The following MSRA variants were observed in gnomAD, a reference collection of about 807,000 sequenced individuals.
The protein encoded by MSRA is methionine sulfoxide reductase A.
MSRA carries 54 observed loss-of-function variants against 31.3 expected under a neutral mutation model. The observed-to-expected ratio is 1.73, with a 90% CI of 1.39 to 2.17. The LOEUF is 2.17. Ranked by LOEUF, MSRA falls within the 30% of genes most tolerant of loss-of-function variation. MSRA has a pLI of 0.00. For synonymous variants in MSRA, 169 were observed against 116.5 expected (o/e 1.45, Z -2.90); for missense variants, 507 against 300.9 (o/e 1.69, Z -5.07).
At chr8:10,283,492 GAGTGCAT>G (rs1799745107) in intron 3 of MSRA, among the ~76,000 whole-genome samples, 1 of 151,912 alleles carries the variant, frequency 6.6e-6, no homozygotes, top group African/African-American at 2.4e-5. Context: ...TTGGTTACAT[GAGTGCAT>G]TCTTTAGTGG....
intron 5 of MSRA, among the ~76,000 whole-genome samples, chr8:10,421,827 C>T (rs552296413): frequency 1.1e-4 from 17 of 152,242 alleles, no homozygotes; most frequent in Non-Finnish European, 1.6e-4. Context: ...CATGCCTACC[C>T]GCCTTCCTGC....
intron 3 of MSRA, among the ~76,000 whole-genome samples, chr8:10,299,300 A>T (rs1464090757): frequency 1.3e-5 from 2 of 152,142 alleles, no homozygotes; most frequent in Non-Finnish European, 2.9e-5. Context: ...CATGTTGATA[A>T]CATATTACCA....
chr8:10,205,573 C>A (rs1188705571), intron 1 of MSRA, among the ~76,000 whole-genome samples: 2 of 152,006 alleles, frequency 1.3e-5, no homozygotes, highest in Admixed American at 1.3e-4. Flanking sequence ...CATCGACAGA[C>A]CTTGATGGAT....
At chr8:10,227,989 A>T (rs1328238596) in intron 2 of MSRA, among the ~76,000 whole-genome samples, 1 of 152,188 alleles carries the variant, frequency 6.6e-6, no homozygotes, top group Non-Finnish European at 1.5e-5. Flanking sequence ...CTAGCATCGT[A>T]GAGCTGAAAT....
intron 1 of MSRA, among the ~76,000 whole-genome samples, chr8:10,080,992 C>T (rs995915590): frequency 1.4e-4 from 21 of 152,170 alleles, no homozygotes; most frequent in African/African-American, 4.8e-4. Flanking sequence ...AAGTAGCAAA[C>T]GGGAAACAGG....
chr8:10,352,264 CATATAG>C (rs1437012283), intron 5 of MSRA, among the ~76,000 whole-genome samples: 1 of 152,180 alleles, frequency 6.6e-6, no homozygotes, highest in Non-Finnish European at 1.5e-5. Context: ...TATATAAAAA[CATATAG>C]ATATGAAGAC....
At chr8:10,082,417 C>T (rs373099920) in intron 1 of MSRA, among the ~76,000 whole-genome samples, 4 of 152,202 alleles carry the variant, frequency 2.6e-5, no homozygotes, top group East Asian at 1.9e-4. Context: ...TGCTTGAGGG[C>T]GAAGCTGTCC....
At chr8:10,238,783 A>G (rs1812161096) in intron 2 of MSRA, among the ~76,000 whole-genome samples, 3 of 152,226 alleles carry the variant, frequency 2.0e-5, no homozygotes, top group Non-Finnish European at 4.4e-5. Flanking sequence ...ACAACCTAAA[A>G]TTAAGCTTAA....
chr8:10,089,988 A>G (rs1033103089), intron 1 of MSRA, among the ~76,000 whole-genome samples: 1 of 152,154 alleles, frequency 6.6e-6, no homozygotes, highest in African/African-American at 2.4e-5. Context: ...AAATTTCAAC[A>G]TGAGACTTGG....
chr8:10,337,957 C>A (rs1803161268), intron 5 of MSRA: 1 of 620,756 alleles, frequency 1.6e-6, no homozygotes, highest in Admixed American at 2.5e-5. Context: ...GGGAGGTAAA[C>A]TGGGTGGCCC....
intron 1 of MSRA, among the ~76,000 whole-genome samples, chr8:10,117,480 G>T (rs575694505): frequency 6.6e-6 from 1 of 152,224 alleles, no homozygotes; most frequent in Non-Finnish European, 1.5e-5. Context: ...TGAACTTGGG[G>T]CTCGTCTTTT....
chr8:10,059,369 G>A (rs1386752844), intron 1 of MSRA, among the ~76,000 whole-genome samples: 1 of 152,168 alleles, frequency 6.6e-6, no homozygotes, highest in Non-Finnish European at 1.5e-5. Context: ...TATAGATGTG[G>A]AAACTGAGGC....
chr8:10,102,606 CTG>C (rs1799608863), intron 1 of MSRA, among the ~76,000 whole-genome samples: 1 of 152,160 alleles, frequency 6.6e-6, no homozygotes, highest in South Asian at 2.1e-4. Flanking sequence ...CATCTCTTGA[CTG>C]TGTTTTCTCA....
intron 1 of MSRA, among the ~76,000 whole-genome samples, chr8:10,182,501 G>T (rs1251964247): frequency 4.6e-5 from 7 of 152,182 alleles, no homozygotes; most frequent in Admixed American, 6.5e-5. Context: ...AGGCTCAACT[G>T]GGGAAGGATC....
At chr8:10,273,953 T>C (rs966289544) in intron 3 of MSRA, among the ~76,000 whole-genome samples, 2 of 152,032 alleles carry the variant, frequency 1.3e-5, no homozygotes, top group African/African-American at 4.8e-5. Context: ...AGCTGCTTTA[T>C]AGGAGGTGAG....
At chr8:10,269,460 A>G (rs1370737250) in intron 3 of MSRA, among the ~76,000 whole-genome samples, 1 of 152,246 alleles carries the variant, frequency 6.6e-6, no homozygotes, top group African/African-American at 2.4e-5. Context: ...GGCTGAGGCA[A>G]CACTGTTAAT....
chr8:10,132,004 TG>T (rs1400616176), intron 1 of MSRA, among the ~76,000 whole-genome samples: 1 of 152,242 alleles, frequency 6.6e-6, no homozygotes, highest in Non-Finnish European at 1.5e-5. Flanking sequence ...ATTGAGTTTT[TG>T]GTCTCCTAAT....
intron 1 of MSRA, among the ~76,000 whole-genome samples, chr8:10,131,639 G>A (rs1801905856): frequency 6.6e-6 from 1 of 152,198 alleles, no homozygotes; most frequent in Non-Finnish European, 1.5e-5. Flanking sequence ...TATGGAGCTT[G>A]TTAGAAATTT....
At chr8:10,064,785 A>G (rs141309912) in intron 1 of MSRA, among the ~76,000 whole-genome samples, 183 of 152,336 alleles carry the variant, frequency 1.2e-3, no homozygotes, top group African/African-American at 4.2e-3. Flanking sequence ...ATTAAAAAGC[A>G]TGGTTCAGAT....
Sources: gnomAD v4.1 joint callset for allele counts (sites outside exome capture counted in the v4.1 genomes callset) on GRCh38, gnomAD v4.1.1 for gene constraint, MANE v1.5 for transcripts, NCBI Gene and HGNC (gene_info 2026-07-23, HGNC 2026-07-21) for gene names.